The following FRS2 variants were observed in gnomAD, a reference collection of about 807,000 sequenced individuals.
The protein encoded by FRS2 is FGFR signalling adaptor.
Under a neutral mutation model 43.9 loss-of-function variants are expected in FRS2, and 8 were observed. That is an observed-to-expected ratio of 0.18 (90% CI 0.11 to 0.33). The LOEUF is 0.33. FRS2 is among the 10% of genes least tolerant of loss of function. FRS2 has a pLI of 1.00. For missense variants in FRS2, 534 were observed against 627.6 expected, an observed-to-expected ratio of 0.85 and a Z score of 1.59; for synonymous variants, 219 against 220.3, an observed-to-expected ratio of 0.99 and a Z score of 0.05.
chr12:69,563,412 T>C (rs932935640), intron 4 of FRS2, among the ~76,000 whole-genome samples: 5 of 152,162 alleles, frequency 3.3e-5, no homozygotes, highest in Admixed American at 6.6e-5. Context: ...AGGCCACCTG[T>C]TTTTTTGTTT....
intron 1 of FRS2, among the ~76,000 whole-genome samples, chr12:69,521,418 G>T (rs1875628476): frequency 6.6e-6 from 1 of 152,034 alleles, no homozygotes; most frequent in Non-Finnish European, 1.5e-5. Flanking sequence ...GATTGCTCTG[G>T]CCAGGACTTC....
intron 1 of FRS2, among the ~76,000 whole-genome samples, chr12:69,500,040 T>G (rs1180094208): frequency 6.6e-6 from 1 of 152,194 alleles, no homozygotes; most frequent in Non-Finnish European, 1.5e-5. Context: ...ACTCTTTTCC[T>G]TAAATACATT....
chr12:69,486,428 T>A (rs1002523902), intron 1 of FRS2: 1 of 152,244 alleles, frequency 6.6e-6, no homozygotes, highest in African/African-American at 2.4e-5. Context: ...GATCAATAAA[T>A]GTGTGTGTTC....
chr12:69,561,655 C>T (rs1439548680), intron 3 of FRS2, among the ~76,000 whole-genome samples: 7 of 152,044 alleles, frequency 4.6e-5, no homozygotes, highest in Non-Finnish European at 8.8e-5. Flanking sequence ...TGTTGATTTT[C>T]TGATTTACTG....
At chr12:69,508,831 G>A (rs997452579) in intron 1 of FRS2, among the ~76,000 whole-genome samples, 13 of 152,164 alleles carry the variant, frequency 8.5e-5, no homozygotes, top group Admixed American at 2.0e-4. Context: ...TAAGAAGGAT[G>A]AAGATTAGTT....
At chr12:69,536,365 C>T (rs1023644686) in intron 3 of FRS2, among the ~76,000 whole-genome samples, 1 of 151,622 alleles carries the variant, frequency 6.6e-6, no homozygotes, top group Non-Finnish European at 1.5e-5. Context: ...CTCAGGTGAT[C>T]GCCCGCCTCA....
At chr12:69,534,419 C>T (rs1352337093) in intron 3 of FRS2, among the ~76,000 whole-genome samples, 1 of 152,168 alleles carries the variant, frequency 6.6e-6, no homozygotes, top group African/African-American at 2.4e-5. Context: ...ATTGCTGCCA[C>T]GTAACAAAAG....
intron 1 of FRS2, among the ~76,000 whole-genome samples, chr12:69,480,796 T>C (rs1871285051): frequency 6.6e-6 from 1 of 152,244 alleles, no homozygotes; most frequent in African/African-American, 2.4e-5. Context: ...ATACTTACTT[T>C]ACATTTTGTG....
chr12:69,480,335 A>C (rs891198503), intron 1 of FRS2: 3 of 152,182 alleles, frequency 2.0e-5, no homozygotes, highest in African/African-American at 7.2e-5. Context: ...TGCCTCTACA[A>C]ATTTGACTAT....
chr12:69,541,676 T>C (rs1386840079), intron 3 of FRS2, among the ~76,000 whole-genome samples: 2 of 151,834 alleles, frequency 1.3e-5, no homozygotes, highest in East Asian at 3.9e-4. Context: ...AATACAAAAA[T>C]TAGCCACATG....
At chr12:69,472,517 A>G (rs943159425) in intron 1 of FRS2, among the ~76,000 whole-genome samples, 4 of 152,352 alleles carry the variant, frequency 2.6e-5, no homozygotes, top group African/African-American at 9.6e-5. Flanking sequence ...GTTAAGTTAG[A>G]TGTAGTTACA....
At chr12:69,472,062 A>ACTTTTCTTTTTCCTCTTCCTTT (rs1870347939) in intron 1 of FRS2, among the ~76,000 whole-genome samples, 1 of 152,064 alleles carries the variant, frequency 6.6e-6, no homozygotes, top group Admixed American at 6.5e-5. Flanking sequence ...TAGCTGCACA[A>ACTTTTCTTTTTCCTCTTCCTTT]CTTTTCTTTT....
At chr12:69,537,335 TA>T (rs1348064849) in intron 3 of FRS2, among the ~76,000 whole-genome samples, 1 of 106,306 alleles carries the variant, frequency 9.4e-6, no homozygotes, top group Non-Finnish European at 1.7e-5. Flanking sequence ...TCTTCTATGA[TA>T]ATTTTTTTTT....
intron 1 of FRS2, among the ~76,000 whole-genome samples, chr12:69,486,856 T>G (rs1168136793): frequency 6.6e-6 from 1 of 152,126 alleles, no homozygotes. Flanking sequence ...TTCTGTTCAA[T>G]TATATGAGGG....
rs371589617 is a variant in FRS2, at chr12:69,574,248, G to A, written c.820G>A (p.Asp274Asn). 1 of 1,614,072 alleles carries A rather than the reference G, an allele frequency of 6.2e-7. No homozygotes were observed. Among genetic ancestry groups the A allele is most frequent in the Non-Finnish European group, 8.5e-7 (1 of 1,179,888 alleles). Residue 274 changes from aspartate (D) to asparagine (N), a missense_variant, in exon 9 of 9, where the codon GAT (aspartate) becomes AAT (asparagine). By Grantham distance (23) the Asp-to-Asn change is conservative. Transcript: ENST00000549921. The part of the protein sequence containing the change: ...EKEKLEQLGR[D>N]QVSGSGANNT... ...AGAGAAACTGGAGCAACTTGGAAGA[G>A]ATCAAGTTAGTGGAAGTGGAGCAAA...
At chr12:69,568,751 G>A (rs541671366) in intron 4 of FRS2, among the ~76,000 whole-genome samples, 5 of 151,926 alleles carry the variant, frequency 3.3e-5, no homozygotes, top group Non-Finnish European at 7.4e-5. Flanking sequence ...TTTTAGAATA[G>A]GTGACCTTTG....
At chr12:69,508,012 G>A (rs1389435147) in intron 1 of FRS2, among the ~76,000 whole-genome samples, 5 of 88,188 alleles carry the variant, frequency 5.7e-5, no homozygotes, top group South Asian at 4.1e-4. Flanking sequence ...CAACAAGAGC[G>A]AAACCCCGTC....
At chr12:69,495,334 A>G (rs377371702) in intron 1 of FRS2, among the ~76,000 whole-genome samples, 1 of 152,240 alleles carries the variant, frequency 6.6e-6, no homozygotes, top group East Asian at 1.9e-4. Context: ...ATTGCTTCAA[A>G]TTATTGGAAA....
intron 1 of FRS2, among the ~76,000 whole-genome samples, chr12:69,524,221 G>A (rs1052140180): frequency 1.3e-5 from 2 of 152,114 alleles, no homozygotes; most frequent in African/African-American, 4.8e-5. Context: ...GACAGTGGTG[G>A]TATGGTGGGG....
Sources: gnomAD v4.1 joint callset for allele counts (sites outside exome capture counted in the v4.1 genomes callset) on GRCh38, gnomAD v4.1.1 for gene constraint, MANE v1.5 for transcripts, NCBI Gene and HGNC (gene_info 2026-07-23, HGNC 2026-07-21) for gene names.